Variants in RAPGEF4 observed in about 807,000 individuals in gnomAD.
RAPGEF4 encodes the protein RAP guanine-nucleotide-exchange factor (GEF) 4.
A neutral mutation model predicts 147.9 loss-of-function variants in RAPGEF4; 66 were observed. The observed-to-expected ratio is 0.45, with a 90% confidence interval of 0.37 to 0.55. The LOEUF (loss-of-function observed/expected upper bound fraction) is 0.55, where lower values mean the gene tolerates loss of function less well. RAPGEF4 is among the 20% of genes least tolerant of loss of function. The pLI, the probability that RAPGEF4 is intolerant of heterozygous loss-of-function variation, is 0.00. For synonymous variants in RAPGEF4, 419 were observed against 442.7 expected (o/e 0.95, Z 0.67); for missense variants, 1,071 against 1,257.3 (o/e 0.85, Z 2.24).
At chr2:172,886,746 A>G (rs1697270128) in intron 4 of RAPGEF4, among the ~76,000 whole-genome samples, 1 of 149,464 alleles carries the variant, frequency 6.7e-6, no homozygotes, top group Admixed American at 6.7e-5. Flanking sequence ...TTCTAAAGAG[A>G]TAGAGATTTT....
chr2:172,988,267 G>A lies in RAPGEF4; in HGVS notation c.1222G>A (p.Gly408Ser), dbSNP rs768478294. 24 of 1,610,648 alleles carry A rather than the reference G, an allele frequency of 1.5e-5. No individual in the cohort carries two copies. Among genetic ancestry groups the A allele is most frequent in the African/African-American group, 8.0e-5 (6 of 74,734 alleles). The stretch of plus-strand genomic sequence containing the variant: ...AGGATCAGTGAATGTAGTCATTTAC[G>A]GCAAGGTATATATATCTTTTTCTTT... Reference protein sequence around the residue: ...LKGSVNVVIYGKGVVCTLHEG... With the variant: ...LKGSVNVVIYSKGVVCTLHEG... The change falls in exon 13 of 31, where the codon GGC becomes AGC. Residue 408 changes from glycine to serine, a missense_variant. Gly to Ser is a moderately conservative substitution (Grantham distance 56). Coordinates refer to ENST00000397081, the MANE Select transcript of RAPGEF4 (RefSeq NM_007023.4).
At position 172,799,650 on chromosome 2, in the gene RAPGEF4, C is replaced by T. The variant is rs189182544; in HGVS notation, c.297+2037C>T. Among the ~76,000 whole-genome samples, 19 of 151,976 alleles carry T rather than the reference C, an allele frequency of 1.3e-4. 1 individual carries two copies. The East Asian group carries it at 3.7e-3, about 29-fold the overall frequency. ...ATTCTGCTCAGTTCCTCCTGCAGCTCGAGTGGTTCCTGAATGAGTGATAAT... is the reference window on the plus strand; with the variant it reads ...ATTCTGCTCAGTTCCTCCTGCAGCTTGAGTGGTTCCTGAATGAGTGATAAT... On this transcript the variant is annotated intron_variant, in intron 3 of 30. Coordinates refer to ENST00000397081, the MANE Select transcript of RAPGEF4 (RefSeq NM_007023.4).
chr2:172,993,299 G>A (rs944141459), intron 15 of RAPGEF4, among the ~76,000 whole-genome samples: 3 of 152,066 alleles, frequency 2.0e-5, no homozygotes, highest in Admixed American at 6.6e-5. Flanking sequence ...GTGGTTATGC[G>A]GGTTTAGTAA....
At chr2:172,911,259 C>T (rs927915218) in intron 4 of RAPGEF4, among the ~76,000 whole-genome samples, 2 of 152,174 alleles carry the variant, frequency 1.3e-5, no homozygotes, top group African/African-American at 4.8e-5. Flanking sequence ...AGACAAGTTA[C>T]GTGTCCCCCA....
At chr2:173,036,318 A>G in intron 28 of RAPGEF4, 106 bp downstream of exon 28, 1 of 920,080 alleles carries the variant, frequency 1.1e-6, no homozygotes, top group Non-Finnish European at 1.7e-6. Context: ...GATCGATCCC[A>G]TCCTTCTGCC....
chr2:172,859,983 AT>A (rs1464857467), intron 4 of RAPGEF4: 1 of 971,108 alleles, frequency 1.0e-6, no homozygotes, highest in Non-Finnish European at 1.2e-6. Flanking sequence ...CAATTGTTTC[AT>A]GGAAAACAGG....
Position 172,996,453 on chromosome 2 carries a change from G to T in RAPGEF4, c.1491-13G>T. ...CTTTTGAAAAATTAATGGCATTTTT[G>T]TTTCTTATCCAGGTATACTGTGATG... is the stretch of plus-strand genomic sequence containing the variant. On this transcript the variant is annotated splice_polypyrimidine_tract_variant and intron_variant, in intron 15 of 30. Coordinates refer to ENST00000397081, the MANE Select transcript of RAPGEF4 (RefSeq NM_007023.4). 2.7e-6 allele frequency: 4 copies of T among 1,466,478 alleles called. No individual in the cohort carries two copies. Among genetic ancestry groups the T allele is most frequent in the South Asian group, 2.7e-5 (2 of 74,014 alleles). 90.8% of individuals were successfully genotyped at this position (1,466,478 alleles called of 1,614,324 possible). A position where few individuals can be genotyped will look rare whatever the true frequency, so the allele number is the denominator to read the frequency against.
intron 5 of RAPGEF4, among the ~76,000 whole-genome samples, chr2:172,919,148 C>T (rs1684431182): frequency 6.6e-6 from 1 of 152,050 alleles, no homozygotes. Context: ...AGTTGCAATC[C>T]CAGCAATGCT....
At chr2:172,883,860 A>C (rs185303201) in intron 4 of RAPGEF4, among the ~76,000 whole-genome samples, 43 of 152,290 alleles carry the variant, frequency 2.8e-4, no homozygotes, top group Non-Finnish European at 4.9e-4. Flanking sequence ...GGAAGAAGGC[A>C]AGAGCATTGG....
chr2:172,761,499 T>C (rs1696336366), intron 1 of RAPGEF4, among the ~76,000 whole-genome samples: 1 of 152,114 alleles, frequency 6.6e-6, no homozygotes, highest in Admixed American at 6.5e-5. Context: ...CAGAATTCTA[T>C]ACCCAGTGAA....
At chr2:173,029,452 A>G (rs904112817) in intron 25 of RAPGEF4, among the ~76,000 whole-genome samples, 1 of 152,242 alleles carries the variant, frequency 6.6e-6, no homozygotes, top group Non-Finnish European at 1.5e-5. Flanking sequence ...GTTAAACATC[A>G]CCATTCTAAT....
chr2:172,902,581 GC>G (rs1699187053), intron 4 of RAPGEF4, among the ~76,000 whole-genome samples: 1 of 152,080 alleles, frequency 6.6e-6, no homozygotes, highest in East Asian at 1.9e-4. Context: ...CGTCTCTCAT[GC>G]CCCACCCCTT....
intron 4 of RAPGEF4, among the ~76,000 whole-genome samples, chr2:172,891,850 A>T (rs988775868): frequency 1.3e-5 from 2 of 152,238 alleles, no homozygotes; most frequent in Admixed American, 1.3e-4. Context: ...ATTTGCTGTC[A>T]TTGGTAGTGG....
chr2:173,011,459 A>C (rs1183035662), intron 17 of RAPGEF4, among the ~76,000 whole-genome samples: 2 of 152,182 alleles, frequency 1.3e-5, no homozygotes, highest in East Asian at 3.8e-4. Context: ...TGTAGAAAGC[A>C]TCATTTGATA....
intron 4 of RAPGEF4, among the ~76,000 whole-genome samples, chr2:172,867,543 T>C (rs1256766861): frequency 6.6e-6 from 1 of 152,220 alleles, no homozygotes; most frequent in Admixed American, 6.5e-5. Context: ...AATACTCCTT[T>C]GCTTATCTGA....
At chr2:172,982,410 C>G (rs73977753) in intron 10 of RAPGEF4, among the ~76,000 whole-genome samples, 11,106 of 152,158 alleles carry the variant, frequency 0.073, 599 homozygotes, top group South Asian at 0.16. Context: ...TCAATATATA[C>G]ATTGTCTCTC....
intron 4 of RAPGEF4, among the ~76,000 whole-genome samples, chr2:172,850,127 G>A (rs1232940765): frequency 3.3e-5 from 5 of 152,024 alleles, no homozygotes; most frequent in Non-Finnish European, 7.3e-5. Context: ...TTGGAGTGGA[G>A]GGCGTGGGGA....
chr2:173,023,021 A>G (rs191389443), intron 23 of RAPGEF4, among the ~76,000 whole-genome samples: 36 of 152,270 alleles, frequency 2.4e-4, no homozygotes, highest in African/African-American at 8.7e-4. Context: ...AGACAAAACC[A>G]TCATGGTCCT....
chr2:172,924,016 A>G (rs931367568), intron 6 of RAPGEF4, among the ~76,000 whole-genome samples: 5 of 152,262 alleles, frequency 3.3e-5, no homozygotes, highest in African/African-American at 7.2e-5. Context: ...AATCAGGCTC[A>G]TAAAGATTCT....
Sources: allele counts gnomAD v4.1 joint callset (sites outside exome capture counted in the v4.1 genomes callset), GRCh38; gene constraint gnomAD v4.1.1; transcripts MANE v1.5; gene names NCBI Gene and HGNC (gene_info 2026-07-23, HGNC 2026-07-21).